Variants in DSCAM observed in about 807,000 individuals in gnomAD.
DSCAM encodes the protein DS cell adhesion molecule, also known as cell adhesion molecule DSCAM.
Under a neutral mutation model 217.7 loss-of-function variants are expected in DSCAM, and 47 were observed. The observed-to-expected ratio is 0.22, with a 90% confidence interval of 0.17 to 0.28. The LOEUF is 0.28. Ranked by LOEUF, DSCAM falls within the 10% of genes least tolerant of loss-of-function variation. The pLI is 1.00. For missense variants in DSCAM, 2,080 were observed against 2,618.3 expected (o/e 0.79, Z 4.49); for synonymous variants, 1,056 against 1,015.3 (o/e 1.04, Z -0.76).
chr21:40,140,803 A>G (rs1305743281), intron 18 of DSCAM, among the ~76,000 whole-genome samples: 1 of 152,082 alleles, frequency 6.6e-6, no homozygotes, highest in Non-Finnish European at 1.5e-5. Context: ...GTGGTTCTGT[A>G]TTCATTAGCA....
At chr21:40,651,690 A>C (rs1601823031) in intron 3 of DSCAM, among the ~76,000 whole-genome samples, 1 of 152,208 alleles carries the variant, frequency 6.6e-6, no homozygotes. Flanking sequence ...GCAGAGTCTT[A>C]TATCTTACAT....
intron 11 of DSCAM, among the ~76,000 whole-genome samples, chr21:40,200,458 C>A (rs1278362038): frequency 6.6e-6 from 1 of 152,186 alleles, no homozygotes; most frequent in Non-Finnish European, 1.5e-5. Flanking sequence ...AAGGTTCAGT[C>A]AAGCTGTAGC....
rs755076718 is a variant in DSCAM, at chr21:40,133,957, G to A, written c.3459C>T (p.Asp1153=). ...ITTTQPSLEL[D]GLEKYTNYSI... ...TGTAGTTGGTGTACTTTTCCAGCCCGTCCAGCTCCAGTGAAGGCTGTGTGG... is the reference window on the plus strand; with the variant it reads ...TGTAGTTGGTGTACTTTTCCAGCCCATCCAGCTCCAGTGAAGGCTGTGTGG... Residue 1153 remains aspartate, a synonymous_variant, in exon 19 of 33, where the codon GAC becomes GAT. Coordinates refer to ENST00000400454, the MANE Select transcript of DSCAM (RefSeq NM_001389.5). The A allele has an allele frequency of 1.2e-5, 20 of 1,613,332 alleles. No individual in the cohort carries two copies. The highest frequency in any genetic ancestry group is 1.7e-4 in the Middle Eastern group (1 of 6,060).
chr21:40,842,684 G>A (rs1474479427), intron 1 of DSCAM, among the ~76,000 whole-genome samples: 2 of 152,072 alleles, frequency 1.3e-5, no homozygotes, highest in African/African-American at 4.8e-5. Flanking sequence ...AAAATACCTT[G>A]CCAGCTACCC....
intron 6 of DSCAM, among the ~76,000 whole-genome samples, chr21:40,347,342 A>C (rs528764293): frequency 6.6e-6 from 1 of 152,182 alleles, no homozygotes; most frequent in African/African-American, 2.4e-5. Flanking sequence ...CATTCTTGAA[A>C]GACCCTGGTC....
intron 3 of DSCAM, among the ~76,000 whole-genome samples, chr21:40,525,923 T>C (rs2837675): frequency 0.28 from 42,254 of 151,828 alleles, 7,494 homozygotes; most frequent in African/African-American, 0.49. Context: ...GCTCCTGGTA[T>C]CTCAGACATG....
chr21:40,365,927 T>C (rs998814530), intron 4 of DSCAM, among the ~76,000 whole-genome samples: 5 of 151,910 alleles, frequency 3.3e-5, no homozygotes, highest in African/African-American at 1.2e-4. Context: ...TAGGTCAGTT[T>C]GTCTATTTTA....
intron 10 of DSCAM, 40 bp from the exon 11 acceptor site, chr21:40,276,310 G>A: frequency 6.5e-7 from 1 of 1,545,456 alleles, no homozygotes; most frequent in Admixed American, 1.9e-5. Flanking sequence ...ATGCAAACGA[G>A]AGTAAGTATG....
At chr21:40,250,315 C>T (rs1305723085) in intron 11 of DSCAM, among the ~76,000 whole-genome samples, 1 of 152,000 alleles carries the variant, frequency 6.6e-6, no homozygotes, top group African/African-American at 2.4e-5. Context: ...TCAAGGGCCT[C>T]AATTAGAAAT....
intron 1 of DSCAM, among the ~76,000 whole-genome samples, chr21:40,786,621 G>C (rs1052713942): frequency 6.6e-6 from 1 of 152,206 alleles, no homozygotes; most frequent in African/African-American, 2.4e-5. Flanking sequence ...TTCATGCTAA[G>C]TGAAAAAGCC....
chr21:40,454,299 A>G (rs2075745770), intron 3 of DSCAM, among the ~76,000 whole-genome samples: 3 of 152,228 alleles, frequency 2.0e-5, no homozygotes, highest in South Asian at 4.1e-4. Context: ...GGCTTTAGCC[A>G]TAACATGTGC....
At position 40,160,092 on chromosome 21, in the gene DSCAM, C is replaced by T. The variant is rs149097329; in HGVS notation, c.3018+7126G>A. Among the ~76,000 whole-genome samples, 34 of 152,156 alleles carry T rather than the reference C, an allele frequency of 2.2e-4. No homozygotes were observed. The East Asian group carries it at 4.3e-3, about 19-fold the overall frequency. On this transcript the variant is annotated intron_variant, in intron 16 of 32. Coordinates refer to ENST00000400454, the MANE Select transcript of DSCAM (RefSeq NM_001389.5). ...CCACCTTATGGATTCCAGAGTGGGC[C>T]CACATCCGTTATCCTCTATGGCTAT...
chr21:40,091,356 A>G (rs1258659127), intron 21 of DSCAM, among the ~76,000 whole-genome samples: 1 of 151,994 alleles, frequency 6.6e-6, no homozygotes, highest in Non-Finnish European at 1.5e-5. Context: ...CTTCCTTCCC[A>G]GCGTCTCTGG....
chr21:40,663,349 G>A (rs1190606411), intron 3 of DSCAM, among the ~76,000 whole-genome samples: 1 of 151,922 alleles, frequency 6.6e-6, no homozygotes, highest in South Asian at 2.1e-4. Context: ...CTGTTAGCAG[G>A]AGTGTCCAGG....
intron 11 of DSCAM, among the ~76,000 whole-genome samples, chr21:40,195,617 C>G (rs1385150133): frequency 6.6e-6 from 1 of 152,080 alleles, no homozygotes; most frequent in Non-Finnish European, 1.5e-5. Context: ...CACAGGAAGT[C>G]TGTATCCTGG....
chr21:40,098,002 GAAAGAAAGAAAGAAAT>G (rs2089704251), intron 20 of DSCAM, among the ~76,000 whole-genome samples: 1 of 118,214 alleles, frequency 8.5e-6, no homozygotes, highest in Non-Finnish European at 1.8e-5. Flanking sequence ...AAGAAAGAAA[GAAAGAAAGAAAGAAAT>G]GTACTTGAAA....
intron 3 of DSCAM, among the ~76,000 whole-genome samples, chr21:40,380,899 T>C (rs1235105118): frequency 6.6e-6 from 1 of 151,348 alleles, no homozygotes; most frequent in East Asian, 1.9e-4. Context: ...CCGTCTCTAC[T>C]AAAAATGCAA....
At chr21:40,416,874 C>T (rs188891630) in intron 3 of DSCAM, among the ~76,000 whole-genome samples, 1 of 152,146 alleles carries the variant, frequency 6.6e-6, no homozygotes, top group Admixed American at 6.5e-5. Context: ...AAATCTCATT[C>T]TTTCATGAAC....
chr21:40,114,316 G>T (rs1282167423), intron 20 of DSCAM, among the ~76,000 whole-genome samples: 1 of 150,564 alleles, frequency 6.6e-6, no homozygotes, highest in Non-Finnish European at 1.5e-5. Flanking sequence ...ATGGGGAAAG[G>T]ATTCCCTATT....
Sources: allele counts gnomAD v4.1 joint callset (sites outside exome capture counted in the v4.1 genomes callset), GRCh38; gene constraint gnomAD v4.1.1; transcripts MANE v1.5; gene names NCBI Gene and HGNC (gene_info 2026-07-23, HGNC 2026-07-21).